Variants in OTUD7B observed in about 807,000 individuals in gnomAD.
OTUD7B encodes OTU domain-containing protein 7B.
A neutral mutation model predicts 82.2 loss-of-function variants in OTUD7B; 34 were observed. The observed-to-expected ratio is 0.41, with a 90% CI of 0.31 to 0.55. The LOEUF (loss-of-function observed/expected upper bound fraction) is 0.55. Among genes scored for constraint, OTUD7B ranks in the 20% least tolerant of loss-of-function variants. The pLI, the probability that OTUD7B is intolerant of heterozygous loss-of-function variation, is 0.20. For missense variants in OTUD7B, 944 were observed against 1,062.1 expected (o/e 0.89, Z 1.55); for synonymous variants, 398 against 402.7 (o/e 0.99, Z 0.14).
chr1:150,064,394 T>C, the OTUD7B span, among the ~76,000 whole-genome samples: 1 of 152,146 alleles, frequency 6.6e-6, no homozygotes, highest in Non-Finnish European at 1.5e-5. Flanking sequence ...TTCTTTTCTT[T>C]CTGGCAGAGT....
At chr1:149,952,808 T>C (rs113185416) in intron 7 of OTUD7B, among the ~76,000 whole-genome samples, 6 of 152,262 alleles carry the variant, frequency 3.9e-5, no homozygotes, top group African/African-American at 1.2e-4. Context: ...CCAGTGATGA[T>C]GAGCATTTTT....
the OTUD7B span, among the ~76,000 whole-genome samples, chr1:150,024,943 G>A: frequency 6.6e-6 from 1 of 152,126 alleles, no homozygotes; most frequent in African/African-American, 2.4e-5. Context: ...AGCTACTCGG[G>A]AGGCTGAGAG....
intron 1 of OTUD7B, among the ~76,000 whole-genome samples, chr1:149,985,932 T>C (rs1463491550): frequency 2.6e-5 from 4 of 152,126 alleles, no homozygotes; most frequent in African/African-American, 7.2e-5. Context: ...CTCCTAGGTG[T>C]AGCAGGTGAA....
chr1:150,049,732 G>A, the OTUD7B span, among the ~76,000 whole-genome samples: 5,931 of 147,454 alleles, frequency 0.04, 400 homozygotes, highest in African/African-American at 0.14. Context: ...TAGGACCACA[G>A]GTGCAAACCA....
the OTUD7B span, among the ~76,000 whole-genome samples, chr1:150,021,969 ATAATC>A: frequency 3.2e-4 from 48 of 152,334 alleles, 1 homozygote; most frequent in South Asian, 9.1e-3. Flanking sequence ...AACATGAAGA[ATAATC>A]TAAACTCTCC....
At chr1:149,954,467 T>C (rs1382183625) in intron 7 of OTUD7B, among the ~76,000 whole-genome samples, 3 of 152,212 alleles carry the variant, frequency 2.0e-5, no homozygotes, top group South Asian at 2.1e-4. Flanking sequence ...TATTGAGGAT[T>C]CTTGCATCGA....
the OTUD7B span, among the ~76,000 whole-genome samples, chr1:150,056,268 G>C: frequency 1.1e-3 from 174 of 151,968 alleles, 2 homozygotes; most frequent in Non-Finnish European, 1.5e-3. Context: ...GATAATAAAA[G>C]GGATCTTAGC....
At chr1:150,050,892 T>C in the OTUD7B span, among the ~76,000 whole-genome samples, 22 of 144,246 alleles carry the variant, frequency 1.5e-4, no homozygotes, top group Non-Finnish European at 3.0e-4. Context: ...ATCCTGTCTT[T>C]AATCACTGCT....
At chr1:150,019,075 G>A in the OTUD7B span, among the ~76,000 whole-genome samples, 22 of 152,318 alleles carry the variant, frequency 1.4e-4, no homozygotes, top group African/African-American at 5.1e-4. Flanking sequence ...TGTGGACACA[G>A]TTGTTACTAG....
the OTUD7B span, among the ~76,000 whole-genome samples, chr1:150,030,767 T>C: frequency 6.6e-6 from 1 of 152,238 alleles, no homozygotes; most frequent in Non-Finnish European, 1.5e-5. Context: ...CAAATGTCTG[T>C]AGCAGCTGTA....
At position 149,965,798 on chromosome 1, in the gene OTUD7B, G is replaced by A; in HGVS notation, c.583C>T (p.Leu195Phe). 6.2e-7 allele frequency: 1 copy of A among 1,613,738 alleles called. No homozygotes were observed. The highest frequency in any genetic ancestry group is 8.5e-7 in the Non-Finnish European group (1 of 1,179,690). The change falls in exon 5 of 12, where the codon CTC becomes TTC. Residue 195 changes from leucine to phenylalanine, a missense_variant. Leu to Phe is a conservative substitution (Grantham distance 22). Coordinates refer to ENST00000581312, the MANE Select transcript of OTUD7B (RefSeq NM_020205.4). Reference protein sequence around the residue: ...PLATTGDGNCLLHAASLGMWG... With the variant: ...PLATTGDGNCFLHAASLGMWG... ...TCACCAAGGGAGGCTGCATGCAGGAGGCAGTTCCCATCTCCAGTAGTTGCC... is the reference window on the plus strand; with the variant it reads ...TCACCAAGGGAGGCTGCATGCAGGAAGCAGTTCCCATCTCCAGTAGTTGCC...
At chr1:149,993,613 T>A (rs1335170090) in intron 1 of OTUD7B, among the ~76,000 whole-genome samples, 1 of 152,220 alleles carries the variant, frequency 6.6e-6, no homozygotes, top group Non-Finnish European at 1.5e-5. Flanking sequence ...CATGTGTTCC[T>A]CTCCAAGAAT....
the OTUD7B span, among the ~76,000 whole-genome samples, chr1:150,026,796 C>T: frequency 6.6e-6 from 1 of 152,050 alleles, no homozygotes; most frequent in Non-Finnish European, 1.5e-5. Context: ...GCTCTTGGTG[C>T]CAGTCATCCA....
chr1:150,006,467 G>C (rs1652680757), intron 1 of OTUD7B, among the ~76,000 whole-genome samples: 1 of 152,004 alleles, frequency 6.6e-6, no homozygotes, highest in South Asian at 2.1e-4. Flanking sequence ...AACCTCCATA[G>C]CACCTAGCAA....
rs2092748001 is a variant in OTUD7B, at chr1:149,939,492, A to G, written c.*4365T>C. The G allele has an allele frequency of 6.6e-6, 1 of 152,200 alleles. No homozygotes were observed. 9.4% of individuals were successfully genotyped at this position (152,200 alleles called of 1,614,324 possible). ...AAGAGACAGAATGCCTGCATGACTC[A>G]TCCAGATCTATAGTTGAAAGGCCTG... is the stretch of plus-strand genomic sequence containing the variant. On this transcript the variant is annotated 3_prime_UTR_variant, in exon 12 of 12. Coordinates refer to ENST00000581312, the MANE Select transcript of OTUD7B (RefSeq NM_020205.4).
At chr1:150,017,958 C>T in the OTUD7B span, among the ~76,000 whole-genome samples, 2 of 152,202 alleles carry the variant, frequency 1.3e-5, no homozygotes, top group African/African-American at 2.4e-5. Context: ...GACGTGCCCT[C>T]CATTTCCATA....
Position 149,954,132 on chromosome 1 carries a change from G to A in OTUD7B, c.846-3911C>T, listed in dbSNP as rs186235418. ...GCATCCCTGTCTTGCACCAGTTTTC[G>A]AAAGGAATGCTTCCAGTTTCTGCCC... On this transcript the variant is annotated intron_variant, in intron 7 of 11. Transcript: ENST00000581312. 2.5e-3 allele frequency among the ~76,000 whole-genome samples: 379 copies of A among 152,240 alleles called. 1 individual carries two copies. The highest frequency in any genetic ancestry group is 7.5e-3 in the African/African-American group (311 of 41,544).
Position 149,944,194 on chromosome 1 carries a change from C to A in OTUD7B, c.2195G>T (p.Arg732Ile), listed in dbSNP as rs587705269. ...GTAGGGTCGCCCAGGAGGGCACTGT[C>A]TGGGGAAGGTGGCATATGGTGGTAG... ...GGLPPYATFP[R>I]QCPPGRPYPH... Residue 732 changes from arginine (R) to isoleucine (I), a missense_variant, in exon 12 of 12, where the codon AGA becomes ATA. Around this residue, in one of 3 missense-constraint regions of OTUD7B, gnomAD observed 412 missense variants for 418.7 expected, o/e 0.98. Coordinates refer to ENST00000581312, the MANE Select transcript of OTUD7B (RefSeq NM_020205.4). The A allele has an allele frequency of 6.2e-7, 1 of 1,613,622 alleles. No individual in the cohort carries two copies. Among genetic ancestry groups the A allele is most frequent in the Non-Finnish European group, 8.5e-7 (1 of 1,179,762 alleles).
chr1:150,049,970 G>C, the OTUD7B span, among the ~76,000 whole-genome samples: 1 of 152,228 alleles, frequency 6.6e-6, no homozygotes, highest in Non-Finnish European at 1.5e-5. Context: ...CCAACACTTT[G>C]GGAGGCTGAG....
Sources: allele counts gnomAD v4.1 joint callset (sites outside exome capture counted in the v4.1 genomes callset), GRCh38; gene constraint gnomAD v4.1.1; regional missense constraint gnomAD v4.1.1; transcripts MANE v1.5; gene names NCBI Gene and HGNC (gene_info 2026-07-23, HGNC 2026-07-21).